Variants in ACSM2A observed in about 807,000 individuals in gnomAD.
The protein encoded by ACSM2A is acyl-coenzyme A synthetase ACSM2A, mitochondrial.
A neutral mutation model predicts 76.6 loss-of-function variants in ACSM2A; 72 were observed. That is an observed-to-expected ratio of 0.94 (90% confidence interval 0.78 to 1.14). ACSM2A has a LOEUF of 1.14. Among genes scored for constraint, ACSM2A ranks in the 50% most tolerant of loss-of-function variants. ACSM2A has a pLI of 0.00. For missense variants in ACSM2A, 684 were observed against 708.5 expected (o/e 0.97, Z 0.39); for synonymous variants, 249 against 255.9 (o/e 0.97, Z 0.26).
intron 6 of ACSM2A, among the ~76,000 whole-genome samples, chr16:20,473,653 A>C (rs562915125): frequency 1.8e-4 from 28 of 152,240 alleles, no homozygotes; most frequent in Non-Finnish European, 3.4e-4. Context: ...TGTAAACCAA[A>C]AATAAAATCC....
chr16:20,479,006 C>G (rs912514357), intron 10 of ACSM2A, among the ~76,000 whole-genome samples: 11 of 152,210 alleles, frequency 7.2e-5, no homozygotes, highest in Admixed American at 2.6e-4. Flanking sequence ...TTTCCCTCTC[C>G]CCTAGGTATC....
chr16:20,464,781 G>A (rs1208014850), intron 2 of ACSM2A, among the ~76,000 whole-genome samples: 2 of 152,122 alleles, frequency 1.3e-5, no homozygotes, highest in African/African-American at 2.4e-5. Flanking sequence ...AGGGCCTAAA[G>A]GGAGAGGGGA....
chr16:20,483,723 A>C (rs1340497497), intron 13 of ACSM2A, among the ~76,000 whole-genome samples: 1 of 152,044 alleles, frequency 6.6e-6, no homozygotes, highest in African/African-American at 2.4e-5. Flanking sequence ...AGTTCTAGCC[A>C]GTATCTTACC....
chr16:20,470,248 C>T lies in ACSM2A; in HGVS notation c.596+529C>T, dbSNP rs572850793. On this transcript the variant is annotated intron_variant, in intron 4 of 13. Transcript: ENST00000573854. ...CTATGACTCAAATCAGGGGTGAGGC[C>T]AAGGTCATGAGGGAAAACCCAAGAG... Among the ~76,000 whole-genome samples, 5 of 152,180 alleles carry T rather than the reference C, an allele frequency of 3.3e-5. No individual in the cohort carries two copies. In the East Asian group the frequency reaches 9.7e-4, roughly 29 times the overall value.
At chr16:20,485,945 C>T (rs1423498474) in intron 13 of ACSM2A, among the ~76,000 whole-genome samples, 1 of 152,198 alleles carries the variant, frequency 6.6e-6, no homozygotes, top group Non-Finnish European at 1.5e-5. Context: ...GGATCCTCAA[C>T]TTCAAACATT....
rs2014182995 is a variant in ACSM2A at position 20,483,084 on chromosome 16, C to T, written c.1536C>T (p.Ala512=). ...TGGTGAAGGCATTTGTGGTCCTGGC[C>T]TCGCAGTTCCTGTCCCATGACCCAG... is the stretch of plus-strand genomic sequence containing the variant. ...GEVVKAFVVL[A]SQFLSHDPEQ... is the part of the protein sequence containing the mutation. The change falls in exon 13 of 14, where the codon GCC becomes GCT. Residue 512 remains alanine (A), a synonymous_variant. Coordinates refer to ENST00000573854, the MANE Select transcript of ACSM2A (RefSeq NM_001308172.2). 6.2e-7 allele frequency: 1 copy of T among 1,613,854 alleles called. No individual in the cohort carries two copies. Among genetic ancestry groups the T allele is most frequent in the Admixed American group, 1.7e-5 (1 of 59,990 alleles).
At chr16:20,482,660 T>G (rs1452722551) in intron 12 of ACSM2A, 1 of 169,590 alleles carries the variant, frequency 5.9e-6, no homozygotes, top group Non-Finnish European at 1.3e-5. Flanking sequence ...TTTCATTTTA[T>G]TTACCGTAAG....
At chr16:20,466,449 C>T (rs1809884017) in intron 3 of ACSM2A, among the ~76,000 whole-genome samples, 2 of 152,008 alleles carry the variant, frequency 1.3e-5, no homozygotes, top group African/African-American at 4.8e-5. Context: ...CCCAGAAAAG[C>T]CAAACACTGA....
chr16:20,463,004 T>C (rs1459545314), intron 2 of ACSM2A, among the ~76,000 whole-genome samples: 1 of 143,842 alleles, frequency 7.0e-6, no homozygotes, highest in Non-Finnish European at 1.5e-5. Context: ...ACACAGCATG[T>C]TCTCACTCAT....
At chr16:20,458,892 T>TA (rs1555497706) in intron 1 of ACSM2A, among the ~76,000 whole-genome samples, 17 of 111,178 alleles carry the variant, frequency 1.5e-4, no homozygotes, top group Non-Finnish European at 2.3e-4. Context: ...ATAGTATATA[T>TA]TATATATATA....
At chr16:20,481,078 C>T in intron 12 of ACSM2A, 157 bp downstream of exon 12, 1 of 890,102 alleles carries the variant, frequency 1.1e-6, no homozygotes, top group East Asian at 2.7e-5. Flanking sequence ...GCTACTTGGC[C>T]TCTCTGTTTC....
At chr16:20,465,464 C>T in intron 2 of ACSM2A, 53 bp from the exon 3 acceptor site, 1 of 1,592,078 alleles carries the variant, frequency 6.3e-7, no homozygotes, top group East Asian at 2.3e-5. Context: ...GGAATTTATC[C>T]TACCTGCTTG....
At chr16:20,483,375 G>C (rs575406851) in intron 13 of ACSM2A, among the ~76,000 whole-genome samples, 198 bp downstream of exon 13, 1 of 124,810 alleles carries the variant, frequency 8.0e-6, no homozygotes, top group South Asian at 2.5e-4. Context: ...TTCAAGATCA[G>C]CCTGGCCAAC....
intron 2 of ACSM2A, among the ~76,000 whole-genome samples, chr16:20,465,315 A>G (rs942044216): frequency 3.9e-5 from 6 of 152,244 alleles, no homozygotes; most frequent in Non-Finnish European, 8.8e-5. Flanking sequence ...ATTCTGTTTT[A>G]ATATCTACTA....
chr16:20,464,830 TGGATGATGAAAAACTCG>T (rs1314486754), intron 2 of ACSM2A, among the ~76,000 whole-genome samples: 1 of 152,178 alleles, frequency 6.6e-6, no homozygotes, highest in Non-Finnish European at 1.5e-5. Context: ...GTTTTCATTT[TGGATGATGAAAAACTCG>T]GGAGATGGAT....
intron 10 of ACSM2A, 48 bp downstream of exon 10, chr16:20,478,725 C>G: frequency 6.4e-7 from 1 of 1,574,788 alleles, no homozygotes. Flanking sequence ...AGGATGGGAG[C>G]ACTAAACGGG....
rs1233006357 is a variant in ACSM2A, at chr16:20,465,642, T to A, written c.303T>A (p.Cys101Ter). The A allele has an allele frequency of 1.9e-6, 3 of 1,613,898 alleles. No individual in the cohort carries two copies. The highest frequency in any genetic ancestry group is 2.5e-6 in the Non-Finnish European group (3 of 1,179,878). Residue 101 changes from cysteine to a stop codon, truncating the protein, a stop_gained, in exon 3 of 14, where the codon TGT becomes TGA. Coordinates refer to ENST00000573854, the MANE Select transcript of ACSM2A (RefSeq NM_001308172.2). LOFTEE classifies it high-confidence loss of function. ...CAGCCAACGTCCTCTCGGGAGCCTG[T>A]GGCCTGCAGCGTGGGGATCGTGTGG... is the stretch of plus-strand genomic sequence containing the variant. ...QQAANVLSGACGLQRGDRVAV... is the reference protein window; with the variant it reads ...QQAANVLSGA
chr16:20,472,483 TC>T (rs1285721348), intron 6 of ACSM2A, among the ~76,000 whole-genome samples: 1 of 152,136 alleles, frequency 6.6e-6, no homozygotes, highest in East Asian at 1.9e-4. Context: ...AAGCCCTGCC[TC>T]CAAATACCAT....
chr16:20,486,838 T>G lies in ACSM2A; in HGVS notation c.*160T>G, dbSNP rs934645152. 16 of 855,832 alleles carry G rather than the reference T, an allele frequency of 1.9e-5. No homozygotes were observed. In the African/African-American group the frequency reaches 2.4e-4, roughly 13 times the overall value. 53.0% of individuals were successfully genotyped at this position (855,832 alleles called of 1,614,324 possible). ...TAGCACAAAACTTTACCATGTTAGATGTTGAAAGAAGAAAGGGAAGGAATG... is the reference window on the plus strand; with the variant it reads ...TAGCACAAAACTTTACCATGTTAGAGGTTGAAAGAAGAAAGGGAAGGAATG... On this transcript the variant is annotated 3_prime_UTR_variant, in exon 14 of 14. Coordinates refer to ENST00000573854, the MANE Select transcript of ACSM2A (RefSeq NM_001308172.2).
Sources: gnomAD v4.1 joint callset for allele counts (sites outside exome capture counted in the v4.1 genomes callset) on GRCh38, gnomAD v4.1.1 for gene constraint, MANE v1.5 for transcripts, NCBI Gene and HGNC (gene_info 2026-07-23, HGNC 2026-07-21) for gene names.